The following AMZ1 variants were observed in gnomAD, a reference collection of about 807,000 sequenced individuals.
AMZ1 encodes the protein archaelysin family metallopeptidase 1.
A neutral mutation model predicts 29.9 loss-of-function variants in AMZ1; 39 were observed. That is an observed-to-expected ratio of 1.30 (90% CI 1.01 to 1.70). AMZ1 has a LOEUF of 1.70. Ranked by LOEUF, AMZ1 falls within the 40% of genes most tolerant of loss-of-function variation. The probability of loss-of-function intolerance (pLI) is 0.00; values close to 1 mark genes in which losing one functional copy is unlikely to be tolerated. For missense variants in AMZ1, 1,041 were observed against 680.6 expected, an observed-to-expected ratio of 1.53 and a Z score of -5.89; for synonymous variants, 458 against 304.0, an observed-to-expected ratio of 1.51 and a Z score of -5.27.
chr7:2,700,795 C>A (rs1476930005), intron 2 of AMZ1, 40 bp downstream of exon 2: 4 of 1,597,370 alleles, frequency 2.5e-6, no homozygotes, highest in Admixed American at 1.7e-5. Context: ...TCCTGGGGGA[C>A]CAGCTTATAT....
At chr7:2,709,848 G>T (rs769619701) in intron 6 of AMZ1, 32 bp downstream of exon 6, 1 of 1,606,390 alleles carries the variant, frequency 6.2e-7, no homozygotes, top group East Asian at 2.2e-5. Flanking sequence ...CCCGGCTGCT[G>T]GGACCTGCGC....
At chr7:2,700,839 C>T (rs1217551008) in intron 2 of AMZ1, 84 bp downstream of exon 2, 10 of 1,507,618 alleles carry the variant, frequency 6.6e-6, no homozygotes, top group Non-Finnish European at 8.1e-6. Flanking sequence ...TGCATAGCCC[C>T]CAGGCAGGAC....
chr7:2,762,840 G>A (rs531612394), upstream of AMZ1: 6 of 1,492,136 alleles, frequency 4.0e-6, no homozygotes, highest in East Asian at 1.0e-4. Flanking sequence ...CAGTCAGCGC[G>A]GCTCCGAAGC....
At chr7:2,742,362 G>C (rs1321933381) in intron 4 of AMZ1, among the ~76,000 whole-genome samples, 1 of 152,070 alleles carries the variant, frequency 6.6e-6, no homozygotes, top group African/African-American at 2.4e-5. Flanking sequence ...CGGCCCTTGG[G>C]GTTTTTGCGA....
intron 1 of AMZ1, among the ~76,000 whole-genome samples, chr7:2,682,051 C>T (rs896467155): frequency 2.0e-5 from 3 of 152,162 alleles, no homozygotes; most frequent in African/African-American, 2.4e-5. Flanking sequence ...CAGCTCCAGC[C>T]GCTCTGGCTG....
At chr7:2,707,264 A>C (rs1247791916) in intron 3 of AMZ1, among the ~76,000 whole-genome samples, 1 of 138,410 alleles carries the variant, frequency 7.2e-6, no homozygotes, top group African/African-American at 2.6e-5. Flanking sequence ...GCAACAAAGC[A>C]ACACTCCATC....
intron 4 of AMZ1, among the ~76,000 whole-genome samples, chr7:2,748,729 C>T (rs891536771): frequency 2.0e-4 from 30 of 152,274 alleles, no homozygotes; most frequent in African/African-American, 7.2e-4. Flanking sequence ...AGGCAACCTA[C>T]AGAATGGGAG....
At chr7:2,732,620 A>G (rs1459051779) in intron 4 of AMZ1, among the ~76,000 whole-genome samples, 1 of 152,202 alleles carries the variant, frequency 6.6e-6, no homozygotes, top group Non-Finnish European at 1.5e-5. Context: ...CCACTCAGGC[A>G]GCTTCTTGCC....
intron 4 of AMZ1, among the ~76,000 whole-genome samples, chr7:2,727,868 CA>C (rs542134558): frequency 9.2e-5 from 14 of 151,428 alleles, no homozygotes; most frequent in African/African-American, 3.2e-4. Flanking sequence ...CCACCCTGGC[CA>C]ACATGGTGAA....
intron 3 of AMZ1, among the ~76,000 whole-genome samples, chr7:2,707,387 C>A (rs1045486026): frequency 6.6e-6 from 1 of 152,142 alleles, no homozygotes. Flanking sequence ...CTCTGTGCCG[C>A]AACCCCTCTT....
rs572692605 is a variant in AMZ1 at position 2,700,397 on chromosome 7, G to C, written c.-55G>C. On this transcript the variant is annotated 5_prime_UTR_variant, in exon 2 of 7. Transcript: ENST00000683327. Reference sequence around the variant, plus strand: ...ACGAGACCGTGGCCGTCCCCCGGGTGGCCCATGGACAGCAGCAGGGGCTCC... The same window carrying C: ...ACGAGACCGTGGCCGTCCCCCGGGTCGCCCATGGACAGCAGCAGGGGCTCC... 1 of 1,552,970 alleles carries C rather than the reference G, an allele frequency of 6.4e-7. No individual in the cohort carries two copies. The highest frequency in any genetic ancestry group is 1.2e-5 in the South Asian group (1 of 85,580).
intron 4 of AMZ1, among the ~76,000 whole-genome samples, chr7:2,758,486 T>G (rs1562410700): frequency 1.3e-5 from 2 of 152,164 alleles, no homozygotes; most frequent in Admixed American, 1.3e-4. Flanking sequence ...CTGTGCAATT[T>G]CTTCCCCTGC....
chr7:2,699,374 C>T lies in AMZ1; in HGVS notation c.-218-860C>T, dbSNP rs556531682. On this transcript the variant is annotated intron_variant, in intron 1 of 6. Transcript: ENST00000683327. ...CCCACCGTCTCCTCCCTACCTGGTC[C>T]GTCCTGGGTGTTGAAATCCGCTGTT... 1.6e-4 allele frequency among the ~76,000 whole-genome samples: 25 copies of T among 152,282 alleles called. No individual in the cohort carries two copies. In the South Asian group the frequency reaches 4.2e-3, roughly 25 times the overall value.
Position 2,740,235 on chromosome 7 carries a change from C to A in AMZ1, n.551-24477C>A, listed in dbSNP as rs149263622. On this transcript the variant is annotated intron_variant and non_coding_transcript_variant, in intron 4 of 4. Coordinates refer to the AMZ1 transcript ENST00000489665. ...GTTCTATTTGTATCATCATTATAGA[C>A]TGCATGTTTGTATGCTCCCAGAATT... 9.8e-5 allele frequency among the ~76,000 whole-genome samples: 15 copies of A among 152,296 alleles called. 1 individual carries two copies. The highest frequency in any genetic ancestry group is 4.1e-4 in the South Asian group (2 of 4,822).
chr7:2,756,404 C>T (rs113467909), intron 4 of AMZ1, among the ~76,000 whole-genome samples: 2 of 151,950 alleles, frequency 1.3e-5, no homozygotes, highest in Non-Finnish European at 2.9e-5. Flanking sequence ...TATAATCCTA[C>T]GAGTTCAAGA....
At position 2,716,195 on chromosome 7, in the gene AMZ1, T is replaced by C. The variant is rs546057634; in HGVS notation, c.*3317T>C. 1 of 152,390 alleles carries C rather than the reference T, an allele frequency of 6.6e-6. No homozygotes were observed. The highest frequency in any genetic ancestry group is 6.5e-5 in the Admixed American group (1 of 15,302). 9.4% of individuals were successfully genotyped at this position (152,390 alleles called of 1,614,324 possible). A position where few individuals can be genotyped will look rare whatever the true frequency, so the allele number is the denominator to read the frequency against. On this transcript the variant is annotated 3_prime_UTR_variant, in exon 7 of 7. Transcript: ENST00000683327. The stretch of plus-strand genomic sequence containing the variant: ...AATACACACTCCCACGTCACAGCCA[T>C]GCTATGATGAAGGGGTGAGAAGCAG...
intron 4 of AMZ1, among the ~76,000 whole-genome samples, chr7:2,725,790 A>G (rs1789592055): frequency 6.6e-6 from 1 of 152,214 alleles, no homozygotes; most frequent in African/African-American, 2.4e-5. Flanking sequence ...TTTCTGTTCC[A>G]GGTCCAACAC....
At chr7:2,687,807 G>A (rs1402790275), upstream of AMZ1, among the ~76,000 whole-genome samples, 5 of 151,654 alleles carry the variant, frequency 3.3e-5, no homozygotes, top group South Asian at 2.1e-4. Context: ...TCTCACCTGG[G>A]GCCTCTCCTG....
At chr7:2,744,893 G>A (rs1790692484) in intron 4 of AMZ1, among the ~76,000 whole-genome samples, 1 of 152,324 alleles carries the variant, frequency 6.6e-6, no homozygotes, top group Admixed American at 6.5e-5. Flanking sequence ...AGGAGCCGAT[G>A]CGATGAACTG....
Sources: gnomAD v4.1 joint callset for allele counts (sites outside exome capture counted in the v4.1 genomes callset) on GRCh38, gnomAD v4.1.1 for gene constraint, MANE v1.5 for transcripts, NCBI Gene and HGNC (gene_info 2026-07-23, HGNC 2026-07-21) for gene names.